The following TM2D3 variants were observed in gnomAD, a reference collection of about 807,000 sequenced individuals.
The protein encoded by TM2D3 is TM2 domain-containing protein 3.
In TM2D3, 33 loss-of-function variants were observed where a neutral mutation model predicts 27.3. The observed-to-expected ratio is 1.21, with a 90% confidence interval of 0.92 to 1.61. The LOEUF is 1.61. Among genes scored for constraint, TM2D3 ranks in the 40% most tolerant of loss-of-function variants. TM2D3 has a pLI of 0.00. For synonymous variants in TM2D3, 138 were observed against 122.2 expected (o/e 1.13, Z -0.85); for missense variants, 364 against 320.8 (o/e 1.13, Z -1.03).
downstream of TM2D3, among the ~76,000 whole-genome samples, chr15:101,640,381 T>C (rs1243189435): frequency 5.9e-5 from 9 of 152,120 alleles, no homozygotes; most frequent in Admixed American, 5.2e-4. Flanking sequence ...CCTCACCAGA[T>C]ACCAAATTTA....
downstream of TM2D3, among the ~76,000 whole-genome samples, chr15:101,641,357 C>A (rs1008331256): frequency 6.6e-6 from 1 of 152,140 alleles, no homozygotes. Context: ...CGCCACCTAG[C>A]GACGAGAGAT....
chr15:101,644,524 T>TC (rs2141363599), intron 5 of TM2D3, among the ~76,000 whole-genome samples: 1 of 152,300 alleles, frequency 6.6e-6, no homozygotes, highest in East Asian at 1.9e-4. Context: ...ACTCAAAACT[T>TC]CAAGTGTAGG....
chr15:101,642,758 G>T, intron 5 of TM2D3, 114 bp from the exon 6 acceptor site: 2 of 776,066 alleles, frequency 2.6e-6, no homozygotes, highest in Non-Finnish European at 3.8e-6. Context: ...CCTGATCGTA[G>T]CCCTTAACTG....
intron 3 of TM2D3, among the ~76,000 whole-genome samples, chr15:101,649,323 C>A (rs565567238): frequency 1.6e-4 from 25 of 151,854 alleles, no homozygotes; most frequent in Non-Finnish European, 2.6e-4. Flanking sequence ...TTAGGTCATG[C>A]AGAAATCTCC....
At chr15:101,643,941 C>T (rs759586328) in intron 5 of TM2D3, among the ~76,000 whole-genome samples, 43 of 152,254 alleles carry the variant, frequency 2.8e-4, no homozygotes, top group South Asian at 8.3e-4. Flanking sequence ...CCTCCTCCTC[C>T]TGGGCTCAAG....
Position 101,646,721 on chromosome 15 carries a change from C to G in TM2D3, c.502+4G>C, listed in dbSNP as rs1567312702. 4.3e-6 allele frequency: 7 copies of G among 1,614,122 alleles called. No homozygotes were observed. Among genetic ancestry groups the G allele is most frequent in the Non-Finnish European group, 5.9e-6 (7 of 1,179,998 alleles). On this transcript the variant is annotated splice_donor_region_variant and intron_variant, in intron 4 of 5. Transcript: ENST00000333202. The stretch of plus-strand genomic sequence containing the variant: ...TTGACAAATGTCCTTGAACTCTGAC[C>G]TACCCAAGCAGTGGACGTGGTCCCG...
In TM2D3 at chr15:101,652,326, G is replaced by T; in HGVS notation, c.36C>A (p.Arg12=). ...AGGVLPLRGL[R]ALCRVLLFLS... is the part of the protein sequence containing the mutation. ...GGAAGAGCAGCACGCGACACAAGGC[G>T]CGGAGGCCCCTCAGCGGGAGCACCC... The change falls in exon 1 of 6, where the codon CGC becomes CGA. Residue 12 remains arginine (R), a synonymous_variant. Transcript: ENST00000333202. 1.2e-6 allele frequency: 2 copies of T among 1,602,244 alleles called. No homozygotes were observed. The highest frequency in any genetic ancestry group is 2.3e-5 in the East Asian group (1 of 43,662).
chr15:101,636,258 AC>A (rs1220696856), intron 4 of TM2D3: 17 of 152,000 alleles, frequency 1.1e-4, no homozygotes, highest in African/African-American at 3.9e-4. Flanking sequence ...ACCTAAAATA[AC>A]AATAGACAGA....
intron 3 of TM2D3, among the ~76,000 whole-genome samples, chr15:101,647,721 A>G (rs1242147963): frequency 6.6e-6 from 1 of 152,220 alleles, no homozygotes; most frequent in Non-Finnish European, 1.5e-5. Context: ...CGTTTCTTCT[A>G]CATGTATATT....
At chr15:101,646,694 T>A (rs1183037163) in intron 4 of TM2D3, 31 bp downstream of exon 4, 1 of 1,613,446 alleles carries the variant, frequency 6.2e-7, no homozygotes, top group African/African-American at 1.3e-5. Context: ...AAAAACATTT[T>A]GTTGACAAAT....
rs192243099 is a variant in TM2D3, at chr15:101,642,482, A to G, written c.741T>C (p.Ile247=). 49 of 1,609,854 alleles carry G rather than the reference A, an allele frequency of 3.0e-5. No homozygotes were observed. In the African/African-American group the frequency reaches 5.9e-4, roughly 19 times the overall value. ...YVGPADGSLY[I] ...CTTTCTGAAGCACACACCACAGCTA[A>G]ATGTACAAAGAGCCATCTGCTGGTC... Residue 247 remains isoleucine, a synonymous_variant, in exon 6 of 6, where the codon ATT becomes ATC. Transcript: ENST00000333202.
At position 101,646,875 on chromosome 15, in the gene TM2D3, T is replaced by C. The variant is rs1358366138; in HGVS notation, c.352A>G (p.Asn118Asp). The change falls in exon 4 of 6, where the codon AAC becomes GAC. Residue 118 changes from asparagine to aspartate, a missense_variant. Transcript: ENST00000333202. ...CVDQDFKSQK[N>D]FIINMTCRFC... The stretch of plus-strand genomic sequence containing the variant: ...CTGCAAGTCATGTTAATGATGAAGT[T>C]CTTTTGGGATTTGAAGTCTTGATCC... 6 of 1,614,106 alleles carry C rather than the reference T, an allele frequency of 3.7e-6. No homozygotes were observed. The highest frequency in any genetic ancestry group is 5.1e-6 in the Non-Finnish European group (6 of 1,180,044).
intron 5 of TM2D3, among the ~76,000 whole-genome samples, chr15:101,643,599 TAAAAAAAAAAA>T (rs1158728522): frequency 4.2e-5 from 2 of 47,342 alleles, no homozygotes; most frequent in Admixed American, 3.4e-4. Context: ...GAGACTCCGT[TAAAAAAAAAAA>T]AAAAAAAAAA....
At position 101,642,166 on chromosome 15, in the gene TM2D3, G is replaced by T; in HGVS notation, c.*313C>A. ...GACTACATTTGGGCTGGAGATACAA[G>T]TGATGTAGTTTGACTTGGGCAATAC... On this transcript the variant is annotated 3_prime_UTR_variant, in exon 6 of 6. Coordinates refer to ENST00000333202, the MANE Select transcript of TM2D3 (RefSeq NM_078474.3). 9.7e-7 allele frequency: 1 copy of T among 1,026,014 alleles called. No individual in the cohort carries two copies. The allele number at this position is 1,026,014 out of a possible 1,614,324, so 63.6% of individuals were successfully genotyped here.
At chr15:101,652,087 G>C in intron 1 of TM2D3, 184 bp downstream of exon 1, 1 of 580,072 alleles carries the variant, frequency 1.7e-6, no homozygotes, top group South Asian at 2.3e-5. Flanking sequence ...CGCCGGAGCG[G>C]AGGGGCGGCC....
intron 4 of TM2D3, 199 bp downstream of exon 4, chr15:101,646,526 T>C: frequency 1.7e-6 from 1 of 572,938 alleles, no homozygotes; most frequent in Non-Finnish European, 3.1e-6. Flanking sequence ...TTATCAAATA[T>C]TACATTTAAA....
At chr15:101,646,977 A>C in intron 3 of TM2D3, 78 bp from the exon 4 acceptor site, 1 of 1,506,570 alleles carries the variant, frequency 6.6e-7, no homozygotes, top group Admixed American at 1.7e-5. Context: ...ACACAGTCAC[A>C]TGGCACAAAA....
chr15:101,650,838 G>A (rs996480085), intron 2 of TM2D3: 1 of 152,186 alleles, frequency 6.6e-6, no homozygotes, highest in Non-Finnish European at 1.5e-5. Context: ...GATCAAAATT[G>A]CAAGTATTCC....
intron 5 of TM2D3, among the ~76,000 whole-genome samples, chr15:101,643,998 A>C (rs2956847): frequency 0.71 from 107,038 of 151,794 alleles, 38,561 homozygotes; most frequent in African/African-American, 0.75. Context: ...CACAGACATG[A>C]ACCACGATGG....
Sources: allele counts gnomAD v4.1 joint callset (sites outside exome capture counted in the v4.1 genomes callset), GRCh38; gene constraint gnomAD v4.1.1; transcripts MANE v1.5; gene names NCBI Gene and HGNC (gene_info 2026-07-23, HGNC 2026-07-21).